Variants in KIF14 observed in about 807,000 individuals in gnomAD.
KIF14 encodes kinesin family member 14.
KIF14 carries 98 observed loss-of-function variants against 176.2 expected under a neutral mutation model. The observed-to-expected ratio is 0.56, with a 90% CI of 0.47 to 0.66. The LOEUF is 0.66. KIF14 is among the 30% of genes least tolerant of loss of function. The pLI, the probability that KIF14 is intolerant of heterozygous loss-of-function variation, is 0.00. For synonymous variants in KIF14, 566 were observed against 632.2 expected (o/e 0.90, Z 1.57); for missense variants, 1,751 against 1,920.4 (o/e 0.91, Z 1.65).
At chr1:200,603,733 G>A (rs1659738385) in intron 9 of KIF14, 106 bp downstream of exon 9, 4 of 698,228 alleles carry the variant, frequency 5.7e-6, no homozygotes, top group Non-Finnish European at 1.0e-5. Flanking sequence ...ATAAACTGCA[G>A]ATAAAGATAT....
chr1:200,594,500 C>T (rs560796373), intron 14 of KIF14, among the ~76,000 whole-genome samples: 1 of 150,736 alleles, frequency 6.6e-6, no homozygotes, highest in East Asian at 2.0e-4. Context: ...GCTTTAATAA[C>T]AGAAAGAACA....
intron 21 of KIF14, among the ~76,000 whole-genome samples, chr1:200,577,956 G>GT (rs770686668): frequency 1.2e-3 from 156 of 135,290 alleles, no homozygotes; most frequent in Middle Eastern, 7.8e-3. Context: ...ACACTTTGTT[G>GT]TTTTTTTTTT....
chr1:200,557,363 AAG>A (rs1335951190), intron 27 of KIF14, among the ~76,000 whole-genome samples: 1 of 152,244 alleles, frequency 6.6e-6, no homozygotes, highest in Admixed American at 6.5e-5. Flanking sequence ...TGTTGAGAAA[AAG>A]AGAACACGTG....
Position 200,552,871 on chromosome 1 carries a change from A to G in KIF14, c.*517T>C, listed in dbSNP as rs1299778161. Reference sequence around the variant, plus strand: ...TTTATAAACGACTAATGAACCAACTACAGACAGTATACCAATGTTAAACAC... The same window carrying G: ...TTTATAAACGACTAATGAACCAACTGCAGACAGTATACCAATGTTAAACAC... On this transcript the variant is annotated 3_prime_UTR_variant, in exon 30 of 30. Coordinates refer to ENST00000367350, the MANE Select transcript of KIF14 (RefSeq NM_014875.3). 1.2e-4 allele frequency: 18 copies of G among 152,020 alleles called. No homozygotes were observed. The allele number at this position is 152,020 out of a possible 1,614,324, so 9.4% of individuals were successfully genotyped here.
At chr1:200,564,840 G>T (rs1244257778) in intron 25 of KIF14, among the ~76,000 whole-genome samples, 1 of 152,166 alleles carries the variant, frequency 6.6e-6, no homozygotes, top group Non-Finnish European at 1.5e-5. Context: ...TTGTTATAAG[G>T]ATTAAATGAG....
rs376921555 is a variant in KIF14, at chr1:200,612,993, T to C, written c.1455+1325A>G. On this transcript the variant is annotated intron_variant, in intron 4 of 29. Coordinates refer to ENST00000367350, the MANE Select transcript of KIF14 (RefSeq NM_014875.3). ...ACCTCCATCTCCCTGGTTCAAGCGA[T>C]TCTCCTGCCTCAGCCTCCCAAGTAG... Among the ~76,000 whole-genome samples, 5 of 150,942 alleles carry C rather than the reference T, an allele frequency of 3.3e-5. No homozygotes were observed. In the East Asian group the frequency reaches 9.9e-4, roughly 30 times the overall value.
intron 21 of KIF14, among the ~76,000 whole-genome samples, chr1:200,580,018 C>T (rs1474563695): frequency 6.6e-6 from 1 of 151,844 alleles, no homozygotes; most frequent in Non-Finnish European, 1.5e-5. Flanking sequence ...CTCTATTATA[C>T]CTATAACTGT....
chr1:200,614,542 A>G (rs1296927513), intron 3 of KIF14, 137 bp from the exon 4 acceptor site: 7 of 588,762 alleles, frequency 1.2e-5, no homozygotes, highest in Non-Finnish European at 1.8e-5. Context: ...TCTGGAGTCA[A>G]ATCTGCCTGA....
intron 21 of KIF14, among the ~76,000 whole-genome samples, chr1:200,576,473 G>A (rs1422702316): frequency 7.7e-5 from 9 of 116,330 alleles, no homozygotes; most frequent in African/African-American, 1.1e-4. Context: ...GCGAGACTCC[G>A]TCTCAAAAAA....
chr1:200,574,937 A>ATTTTTTTTTT (rs35584654), intron 22 of KIF14, among the ~76,000 whole-genome samples: 1 of 110,682 alleles, frequency 9.0e-6, no homozygotes, highest in African/African-American at 3.4e-5. Context: ...AGAAAGGGTA[A>ATTTTTTTTTT]TTTTTTTTTT....
At chr1:200,564,277 A>C (rs1293290938) in intron 25 of KIF14, among the ~76,000 whole-genome samples, 1 of 151,450 alleles carries the variant, frequency 6.6e-6, no homozygotes, top group Non-Finnish European at 1.5e-5. Flanking sequence ...AAAAAAAAAA[A>C]AAGGCAAACT....
At chr1:200,569,533 CAG>C (rs1287355648) in intron 23 of KIF14, among the ~76,000 whole-genome samples, 1 of 151,936 alleles carries the variant, frequency 6.6e-6, no homozygotes, top group Non-Finnish European at 1.5e-5. Flanking sequence ...TGTAGTTCTC[CAG>C]AGAGATCTTA....
At chr1:200,595,399 C>T (rs4579788) in intron 14 of KIF14, among the ~76,000 whole-genome samples, 1,549 of 152,222 alleles carry the variant, frequency 0.01, 20 homozygotes, top group African/African-American at 0.034. Context: ...GCAATGAAGA[C>T]AGACATGAAA....
At position 200,589,249 on chromosome 1, in the gene KIF14, G is replaced by C; in HGVS notation, c.3082C>G (p.Arg1028Gly). The change falls in exon 18 of 30, where the codon CGA becomes GGA. Residue 1028 changes from arginine to glycine, a missense_variant. Physicochemically the swap from Arg to Gly is moderately radical, Grantham distance 125. Coordinates refer to ENST00000367350, the MANE Select transcript of KIF14 (RefSeq NM_014875.3). ...LEQEIYVNKK[R>G]LEMETLATKQ... ...GTAGCCAATGTTTCCATTTCTAATC[G>C]CTTTTTGTTGACATATATTTCCTGT... 6.2e-7 allele frequency: 1 copy of C among 1,606,692 alleles called. No individual in the cohort carries two copies. The highest frequency in any genetic ancestry group is 8.5e-7 in the Non-Finnish European group (1 of 1,175,922).
chr1:200,591,035 A>C (rs766604042), intron 16 of KIF14, among the ~76,000 whole-genome samples: 7 of 152,138 alleles, frequency 4.6e-5, no homozygotes, highest in East Asian at 3.9e-4. Context: ...TCAAAAAAAA[A>C]CCAAAAAACA....
rs200536297 is a variant in KIF14 at position 200,553,525 on chromosome 1, C to G, written c.4810G>C (p.Glu1604Gln). 9.9e-6 allele frequency: 16 copies of G among 1,613,986 alleles called. No individual in the cohort carries two copies. In the East Asian group the frequency reaches 3.6e-4, roughly 36 times the overall value. Residue 1604 changes from glutamate (E) to glutamine (Q), a missense_variant, in exon 30 of 30, where the codon GAA becomes CAA. Glu to Gln is a conservative substitution (Grantham distance 29). Coordinates refer to ENST00000367350, the MANE Select transcript of KIF14 (RefSeq NM_014875.3). ...CCGCTTGATTTAGATTGTTGGTGTT[C>G]TTCTTTGGTATTTTGATTATAAGTT... ...WETYNQNTKE[E>Q]HQQSKSSGID...
intron 22 of KIF14, among the ~76,000 whole-genome samples, chr1:200,573,659 T>C (rs1481708950): frequency 6.6e-6 from 1 of 152,152 alleles, no homozygotes; most frequent in Non-Finnish European, 1.5e-5. Context: ...TAATGCTTGC[T>C]ATGTATTAGC....
At chr1:200,610,283 G>A (rs1006570137) in intron 4 of KIF14, among the ~76,000 whole-genome samples, 1 of 152,110 alleles carries the variant, frequency 6.6e-6, no homozygotes, top group Non-Finnish European at 1.5e-5. Flanking sequence ...GGTGGATTAC[G>A]AGGTCAGGGG....
intron 5 of KIF14, among the ~76,000 whole-genome samples, chr1:200,607,281 A>G (rs1028773296): frequency 6.6e-6 from 1 of 152,060 alleles, no homozygotes; most frequent in African/African-American, 2.4e-5. Context: ...CTGAGATTAC[A>G]AGACAGTGCC....
Sources: gnomAD v4.1 joint callset for allele counts (sites outside exome capture counted in the v4.1 genomes callset) on GRCh38, gnomAD v4.1.1 for gene constraint, MANE v1.5 for transcripts, NCBI Gene and HGNC (gene_info 2026-07-23, HGNC 2026-07-21) for gene names.